Variants in PLEKHM3 observed in about 807,000 individuals in gnomAD.
The protein encoded by PLEKHM3 is pleckstrin homology domain containing M3.
PLEKHM3 carries 45 observed loss-of-function variants against 81.8 expected under a neutral mutation model. The ratio of observed to expected loss-of-function variants is 0.55; its 90% CI spans 0.43 to 0.71. PLEKHM3 has a LOEUF of 0.71. Among genes scored for constraint, PLEKHM3 ranks in the 30% least tolerant of loss-of-function variants. PLEKHM3 has a pLI of 0.00. For synonymous variants in PLEKHM3, 352 were observed against 356.4 expected, an observed-to-expected ratio of 0.99 and a Z score of 0.14; for missense variants, 788 against 924.3, an observed-to-expected ratio of 0.85 and a Z score of 1.91.
intron 2 of PLEKHM3, among the ~76,000 whole-genome samples, chr2:207,977,863 G>C (rs1423552204): frequency 6.6e-6 from 1 of 152,170 alleles, no homozygotes; most frequent in African/African-American, 2.4e-5. Flanking sequence ...AGGTGGGAGG[G>C]ATTGCTTGAG....
At chr2:207,994,031 A>G (rs755102736) in intron 2 of PLEKHM3, among the ~76,000 whole-genome samples, 2 of 152,156 alleles carry the variant, frequency 1.3e-5, no homozygotes, top group Non-Finnish European at 2.9e-5. Flanking sequence ...GAATGATATA[A>G]TTTTGGAGTT....
chr2:207,833,674 C>T (rs1209537778), intron 7 of PLEKHM3, among the ~76,000 whole-genome samples: 1 of 152,174 alleles, frequency 6.6e-6, no homozygotes, highest in Non-Finnish European at 1.5e-5. Context: ...CCATGTCACC[C>T]CCTCCTCCCA....
chr2:207,927,149 G>C (rs1444776947), intron 5 of PLEKHM3, among the ~76,000 whole-genome samples: 1 of 152,086 alleles, frequency 6.6e-6, no homozygotes, highest in Non-Finnish European at 1.5e-5. Flanking sequence ...GTTTCTATCA[G>C]GGATATATGA....
chr2:207,970,910 C>A (rs1465900191), intron 3 of PLEKHM3, among the ~76,000 whole-genome samples: 1 of 152,240 alleles, frequency 6.6e-6, no homozygotes, highest in Non-Finnish European at 1.5e-5. Flanking sequence ...TAATTACCAA[C>A]AGCAGTCCCA....
chr2:207,938,528 A>T (rs1349473999), intron 4 of PLEKHM3, among the ~76,000 whole-genome samples: 3 of 152,214 alleles, frequency 2.0e-5, no homozygotes, highest in African/African-American at 7.2e-5. Context: ...GGTCTTGGAA[A>T]CTGATAGGTC....
At chr2:207,943,596 C>A (rs542913445) in intron 4 of PLEKHM3, among the ~76,000 whole-genome samples, 2 of 151,970 alleles carry the variant, frequency 1.3e-5, no homozygotes. Context: ...AGGCCGGGCG[C>A]GGTGGCTCAC....
In PLEKHM3 at chr2:207,841,379, C is replaced by G. The variant is rs573648240; in HGVS notation, c.2109-12883G>C. On this transcript the variant is annotated intron_variant, in intron 7 of 7. Coordinates refer to ENST00000427836, the MANE Select transcript of PLEKHM3 (RefSeq NM_001080475.3). ...ATTTGGGAGGCTGAGGCGCGATAAT[C>G]GCTTCAACCTGGGAGGCCGAGATCA... is the stretch of plus-strand genomic sequence containing the variant. Among the ~76,000 whole-genome samples, 939 of 138,810 alleles carry G rather than the reference C, an allele frequency of 6.8e-3. 3 individuals are homozygous for G. Among genetic ancestry groups the G allele is most frequent in the Admixed American group, 0.013 (165 of 12,830 alleles). 91.1% of individuals were successfully genotyped at this position (138,810 alleles called of 152,430 possible). A position where few individuals can be genotyped will look rare whatever the true frequency, so the allele number is the denominator to read the frequency against.
At chr2:207,998,505 C>G (rs1426392778) in intron 2 of PLEKHM3, among the ~76,000 whole-genome samples, 3 of 151,960 alleles carry the variant, frequency 2.0e-5, no homozygotes, top group Non-Finnish European at 4.4e-5. Context: ...TAAGTGAGAC[C>G]CTGTTGGAAA....
intron 6 of PLEKHM3, chr2:207,869,862 G>A (rs2105827361): frequency 6.6e-6 from 1 of 152,222 alleles, no homozygotes; most frequent in East Asian, 1.9e-4. Context: ...TCCAGCTCAG[G>A]GATACACACA....
At chr2:208,023,682 G>A (rs960542310) in intron 1 of PLEKHM3, among the ~76,000 whole-genome samples, 3 of 151,852 alleles carry the variant, frequency 2.0e-5, no homozygotes, top group African/African-American at 7.3e-5. Flanking sequence ...GTTTCATCCC[G>A]TAACTATCAC....
intron 1 of PLEKHM3, among the ~76,000 whole-genome samples, chr2:208,004,854 T>C (rs910363267): frequency 3.9e-5 from 6 of 152,218 alleles, no homozygotes; most frequent in Admixed American, 6.5e-5. Context: ...AGACGGAGTT[T>C]TGCTCTTTCG....
chr2:207,999,230 C>T (rs189171735), intron 2 of PLEKHM3, among the ~76,000 whole-genome samples: 1 of 152,074 alleles, frequency 6.6e-6, no homozygotes, highest in Non-Finnish European at 1.5e-5. Flanking sequence ...CCTGCCTCAG[C>T]CTCCCAAAGT....
chr2:207,821,558 A>G lies in PLEKHM3; in HGVS notation c.*6761T>C, dbSNP rs1420078422. 6.6e-6 allele frequency: 1 copy of G among 152,204 alleles called. No individual in the cohort carries two copies. The highest frequency in any genetic ancestry group is 1.5e-5 in the Non-Finnish European group (1 of 68,042). The allele number at this position is 152,204 out of a possible 1,614,324, so 9.4% of individuals were successfully genotyped here. A position where few individuals can be genotyped will look rare whatever the true frequency, so the allele number is the denominator to read the frequency against. ...AGCTACTACAAATAACTTAACACAA[A>G]GTGATATAACAGCCCAGACCCAAAA... On this transcript the variant is annotated 3_prime_UTR_variant, in exon 8 of 8. Coordinates refer to ENST00000427836, the MANE Select transcript of PLEKHM3 (RefSeq NM_001080475.3).
chr2:207,986,841 T>TTTG (rs1335503329), intron 2 of PLEKHM3, among the ~76,000 whole-genome samples: 1 of 146,036 alleles, frequency 6.8e-6, no homozygotes, highest in Non-Finnish European at 1.5e-5. Context: ...CCAGCTAATT[T>TTTG]TTTTTTTTTT....
intron 1 of PLEKHM3, among the ~76,000 whole-genome samples, chr2:208,003,241 C>CA (rs1370394728): frequency 6.6e-6 from 1 of 152,162 alleles, no homozygotes; most frequent in African/African-American, 2.4e-5. Context: ...ACCATGATTC[C>CA]AGCCATGTGG....
chr2:207,957,709 C>CA (rs1299500922), intron 3 of PLEKHM3, among the ~76,000 whole-genome samples: 1 of 149,104 alleles, frequency 6.7e-6, no homozygotes, highest in Non-Finnish European at 1.5e-5. Context: ...AAAAACAAAA[C>CA]AAAAAAAAAG....
intron 6 of PLEKHM3, among the ~76,000 whole-genome samples, chr2:207,870,736 C>T (rs973690570): frequency 1.3e-5 from 2 of 152,214 alleles, no homozygotes; most frequent in Non-Finnish European, 2.9e-5. Flanking sequence ...CTTGAAAATC[C>T]TAACACACCT....
intron 5 of PLEKHM3, among the ~76,000 whole-genome samples, chr2:207,915,478 G>C (rs976206810): frequency 3.9e-5 from 6 of 152,060 alleles, no homozygotes. Context: ...AAGGGATTGG[G>C]GTCAGGCTCT....
intron 6 of PLEKHM3, among the ~76,000 whole-genome samples, chr2:207,879,022 T>C (rs1171075052): frequency 4.6e-5 from 7 of 152,100 alleles, no homozygotes; most frequent in African/African-American, 1.4e-4. Context: ...TGCCTGCCTA[T>C]TCCCTGAAAC....
Sources: gnomAD v4.1 joint callset for allele counts (sites outside exome capture counted in the v4.1 genomes callset) on GRCh38, gnomAD v4.1.1 for gene constraint, MANE v1.5 for transcripts, NCBI Gene and HGNC (gene_info 2026-07-23, HGNC 2026-07-21) for gene names.